SDK1: variants seen among roughly 807,000 people sequenced by gnomAD.
SDK1 encodes sidekick cell adhesion molecule 1.
SDK1 carries 157 observed loss-of-function variants against 245.5 expected under a neutral mutation model. That is an observed-to-expected ratio of 0.64 (90% confidence interval 0.56 to 0.73). SDK1 has a LOEUF of 0.73. SDK1 is among the 30% of genes least tolerant of loss of function. The pLI, the probability that SDK1 is intolerant of heterozygous loss-of-function variation, is 0.00. For synonymous variants in SDK1, 1,647 were observed against 1,278.5 expected (o/e 1.29, Z -6.15); for missense variants, 3,583 against 3,002.3 (o/e 1.19, Z -4.52).
intron 1 of SDK1, among the ~76,000 whole-genome samples, chr7:3,404,033 CT>C (rs773326307): frequency 5.3e-5 from 8 of 150,884 alleles, no homozygotes; most frequent in Non-Finnish European, 1.0e-4. Context: ...ATTTTGTAGT[CT>C]GTTAAGTGAG....
intron 1 of SDK1, among the ~76,000 whole-genome samples, chr7:3,373,904 A>G (rs1175306618): frequency 6.6e-6 from 1 of 152,182 alleles, no homozygotes; most frequent in African/African-American, 2.4e-5. Flanking sequence ...AATAAACTTG[A>G]TAAGTACATG....
At chr7:4,067,125 C>T (rs7808027) in intron 19 of SDK1, among the ~76,000 whole-genome samples, 13,069 of 152,238 alleles carry the variant, frequency 0.086, 1,300 homozygotes, top group African/African-American at 0.24. Flanking sequence ...ATTTTCCCTG[C>T]TTCACACATT....
chr7:3,749,375 C>T (rs545940246), intron 4 of SDK1, among the ~76,000 whole-genome samples: 43 of 152,320 alleles, frequency 2.8e-4, no homozygotes, highest in Middle Eastern at 3.4e-3. Context: ...TCTCAGCTCA[C>T]TGCAACCTCT....
At chr7:3,873,305 T>C (rs1005261777) in intron 5 of SDK1, among the ~76,000 whole-genome samples, 9 of 152,172 alleles carry the variant, frequency 5.9e-5, no homozygotes, top group African/African-American at 2.2e-4. Flanking sequence ...AAGTCTGCTA[T>C]ATTTCTTATC....
intron 1 of SDK1, among the ~76,000 whole-genome samples, chr7:3,487,512 T>G (rs1307991937): frequency 2.0e-5 from 3 of 151,890 alleles, no homozygotes; most frequent in Non-Finnish European, 2.9e-5. Flanking sequence ...GAGGCCAAGG[T>G]AAACAGATCA....
rs544280850 is a variant in SDK1, at chr7:3,998,785, C to T, written c.2131+11463C>T. On this transcript the variant is annotated intron_variant, in intron 14 of 44. Coordinates refer to ENST00000404826, the MANE Select transcript of SDK1 (RefSeq NM_152744.4). Reference sequence around the variant, plus strand: ...ACACCTCCGTATCTTCCGCATCGCTCGCTGTCTTCCACGTGGAGTTCCGTG... The same window carrying T: ...ACACCTCCGTATCTTCCGCATCGCTTGCTGTCTTCCACGTGGAGTTCCGTG... 3.9e-5 allele frequency among the ~76,000 whole-genome samples: 6 copies of T among 152,328 alleles called. No homozygotes were observed. The South Asian group carries it at 1.2e-3, about 32-fold the overall frequency.
chr7:3,582,913 T>C (rs896491748), intron 1 of SDK1, among the ~76,000 whole-genome samples: 1 of 151,780 alleles, frequency 6.6e-6, no homozygotes, highest in Non-Finnish European at 1.5e-5. Context: ...GGAAGAGAAG[T>C]GTGTGTAGGA....
chr7:4,074,886 G>GTGTGTGTATATATATATATA (rs1401453083), intron 20 of SDK1, among the ~76,000 whole-genome samples: 1 of 48,124 alleles, frequency 2.1e-5, no homozygotes, highest in African/African-American at 1.6e-4. Context: ...CTCTCTCTCT[G>GTGTGTGTATATATATATATA]TATATATATA....
intron 38 of SDK1, among the ~76,000 whole-genome samples, chr7:4,213,401 G>C (rs542344063): frequency 6.7e-6 from 1 of 149,610 alleles, no homozygotes; most frequent in South Asian, 2.1e-4. Flanking sequence ...GACAGAGCAA[G>C]ACTCCGTCTC....
chr7:3,536,200 G>A (rs1778881731), intron 1 of SDK1, among the ~76,000 whole-genome samples: 1 of 151,318 alleles, frequency 6.6e-6, no homozygotes, highest in African/African-American at 2.4e-5. Context: ...GTGACTACAG[G>A]CGCCCGCCAC....
At chr7:3,784,115 C>G (rs1338122599) in intron 4 of SDK1, among the ~76,000 whole-genome samples, 1 of 146,316 alleles carries the variant, frequency 6.8e-6, no homozygotes, top group African/African-American at 2.5e-5. Context: ...GAGAAAGGGT[C>G]TCCCTATATT....
At chr7:4,246,665 G>C (rs189535287) in intron 44 of SDK1, among the ~76,000 whole-genome samples, 6 of 152,264 alleles carry the variant, frequency 3.9e-5, no homozygotes, top group Admixed American at 2.6e-4. Context: ...GCTCACAGCA[G>C]TTCCAGGTCA....
chr7:3,796,472 T>C (rs56673538), intron 4 of SDK1, among the ~76,000 whole-genome samples: 10,327 of 152,246 alleles, frequency 0.068, 856 homozygotes, highest in African/African-American at 0.19. Context: ...CCCCTGCACA[T>C]TCCCTGCCCA....
intron 28 of SDK1, 155 bp downstream of exon 28, chr7:4,132,578 T>C (rs2128199985): frequency 3.4e-6 from 2 of 580,288 alleles, no homozygotes; most frequent in East Asian, 6.0e-5. Context: ...ATTCAGACTA[T>C]TAGCCGGGCA....
At chr7:3,823,087 G>C (rs904002728) in intron 5 of SDK1, among the ~76,000 whole-genome samples, 1 of 152,300 alleles carries the variant, frequency 6.6e-6, no homozygotes, top group South Asian at 2.1e-4. Flanking sequence ...GGAGAATGAT[G>C]CACGTGGATT....
intron 4 of SDK1, among the ~76,000 whole-genome samples, chr7:3,722,779 C>T (rs1003825065): frequency 1.3e-5 from 2 of 152,202 alleles, no homozygotes; most frequent in Non-Finnish European, 1.5e-5. Flanking sequence ...CGCCCTCTGT[C>T]TGTTCTTAGG....
rs1364846724 is a variant in SDK1, at chr7:3,572,207, C to G, written c.299-46873C>G. 4.6e-5 allele frequency among the ~76,000 whole-genome samples: 7 copies of G among 152,140 alleles called. No homozygotes were observed. The East Asian group carries it at 1.2e-3, about 25-fold the overall frequency. On this transcript the variant is annotated intron_variant, in intron 1 of 44. Transcript: ENST00000404826. ...GTTAGTAGTTTCTACCTGGAAGTAACTCACATTCTTTTTAAAATTTTTTTG... is the reference window on the plus strand; with the variant it reads ...GTTAGTAGTTTCTACCTGGAAGTAAGTCACATTCTTTTTAAAATTTTTTTG...
chr7:4,267,450 C>T lies in SDK1; in HGVS notation c.*2066C>T, dbSNP rs1788536714. The T allele has an allele frequency of 1.0e-6, 1 of 985,480 alleles. No homozygotes were observed. Among genetic ancestry groups the T allele is most frequent in the African/African-American group, 1.7e-5 (1 of 57,358 alleles). The allele number at this position is 985,480 out of a possible 1,614,324, so 61.0% of individuals were successfully genotyped here. On this transcript the variant is annotated 3_prime_UTR_variant, in exon 45 of 45. Transcript: ENST00000404826. Reference sequence around the variant, plus strand: ...GCATGAGAATCGCAACCCACAGTTCCCCGGATGAGACTCACCACAGTGGAC... The same window carrying T: ...GCATGAGAATCGCAACCCACAGTTCTCCGGATGAGACTCACCACAGTGGAC...
chr7:3,860,732 G>T (rs184701413), intron 5 of SDK1, among the ~76,000 whole-genome samples: 1 of 152,066 alleles, frequency 6.6e-6, no homozygotes, highest in Non-Finnish European at 1.5e-5. Flanking sequence ...TCTTGAAACT[G>T]CTATTTTTTG....
Sources: allele counts gnomAD v4.1 joint callset (sites outside exome capture counted in the v4.1 genomes callset), GRCh38; gene constraint gnomAD v4.1.1; transcripts MANE v1.5; gene names NCBI Gene and HGNC (gene_info 2026-07-23, HGNC 2026-07-21).